Variants in FOXN3 observed in about 807,000 individuals in gnomAD.
FOXN3 encodes the protein forkhead box N3.
FOXN3 carries 7 observed loss-of-function variants against 38.4 expected under a neutral mutation model. The observed-to-expected ratio is 0.18, with a 90% CI of 0.10 to 0.34. The LOEUF (loss-of-function observed/expected upper bound fraction) is 0.34, where lower values mean the gene tolerates loss of function less well. Ranked by LOEUF, FOXN3 falls within the 10% of genes least tolerant of loss-of-function variation. The probability of loss-of-function intolerance (pLI) is 1.00; values close to 1 mark genes in which losing one functional copy is unlikely to be tolerated. For synonymous variants in FOXN3, 230 were observed against 242.2 expected (o/e 0.95, Z 0.47); for missense variants, 456 against 613.4 (o/e 0.74, Z 2.71).
intron 1 of FOXN3, among the ~76,000 whole-genome samples, chr14:89,561,178 C>T (rs1895242234): frequency 6.6e-6 from 1 of 152,190 alleles, no homozygotes; most frequent in South Asian, 2.1e-4. Flanking sequence ...GTGGCCTCGG[C>T]ACATCTTCAA....
chr14:89,282,267 A>C (rs528013300), intron 3 of FOXN3, among the ~76,000 whole-genome samples: 210 of 103,306 alleles, frequency 2.0e-3, no homozygotes, highest in Non-Finnish European at 3.4e-3. Flanking sequence ...CCTTGATGTT[A>C]ATGAACCTTT....
chr14:89,555,884 G>GTGTGTGTGTGT (rs59359746), intron 1 of FOXN3, among the ~76,000 whole-genome samples: 1 of 90,186 alleles, frequency 1.1e-5, no homozygotes, highest in African/African-American at 3.4e-5. Flanking sequence ...TGTATGTGGG[G>GTGTGTGTGTGT]GTGTATGTGG....
intron 2 of FOXN3, among the ~76,000 whole-genome samples, chr14:89,363,974 ATATATATATATATAAT>A (rs1263770543): frequency 0.011 from 787 of 69,136 alleles, 41 homozygotes; most frequent in African/African-American, 0.041. Context: ...ATATATATAT[ATATATATATATATAAT>A]ATATATATAT....
In FOXN3 at chr14:89,484,790, G is replaced by A. The variant is rs1893411145; in HGVS notation, c.-14-72300C>T. Reference sequence around the variant, plus strand: ...AGGCAGATGGTGTGTGGCCAGGGAGGACCCAACAGGCAGTGAGCGGGGTCT... The same window carrying A: ...AGGCAGATGGTGTGTGGCCAGGGAGAACCCAACAGGCAGTGAGCGGGGTCT... On this transcript the variant is annotated intron_variant, in intron 1 of 6. Transcript: ENST00000345097. The surrounding 1 kb of genome is among the most constrained non-coding windows in gnomAD (Gnocchi z 4.0). Among the ~76,000 whole-genome samples the A allele has an allele frequency of 6.6e-6, 1 of 152,160 alleles. No homozygotes were observed. The highest frequency in any genetic ancestry group is 2.1e-4 in the South Asian group (1 of 4,826).
intron 1 of FOXN3, among the ~76,000 whole-genome samples, chr14:89,610,500 T>C (rs1176519357): frequency 1.3e-5 from 2 of 152,234 alleles, no homozygotes; most frequent in Admixed American, 1.3e-4. Flanking sequence ...CACCTACTGG[T>C]GTCTTCCTGG....
At position 89,463,067 on chromosome 14, in the gene FOXN3, G is replaced by T. The variant is rs189903590; in HGVS notation, c.-14-50577C>A. 3.4e-3 allele frequency among the ~76,000 whole-genome samples: 511 copies of T among 150,748 alleles called. 2 individuals are homozygous for T. The highest frequency in any genetic ancestry group is 0.012 in the African/African-American group (491 of 41,092). On this transcript the variant is annotated intron_variant, in intron 1 of 6. Transcript: ENST00000345097. ...GCACTTTGGGAGGCCAAGGAGGGCG[G>T]ATCACGAGGTCAGGAGATTGAGAAG... is the stretch of plus-strand genomic sequence containing the variant.
At chr14:89,418,415 C>CT (rs1555352822), upstream of FOXN3, among the ~76,000 whole-genome samples, 1,335 of 113,660 alleles carry the variant, frequency 0.012, 60 homozygotes, top group African/African-American at 0.043. Context: ...AAAATAGACC[C>CT]CCCCCCCCCA....
chr14:89,272,375 G>A (rs575944046), intron 4 of FOXN3, among the ~76,000 whole-genome samples: 1 of 151,948 alleles, frequency 6.6e-6, no homozygotes, highest in South Asian at 2.1e-4. Context: ...ACTGTACACT[G>A]TAAAATCATT....
At chr14:89,608,406 C>G (rs1380818759) in intron 1 of FOXN3, among the ~76,000 whole-genome samples, 1 of 152,306 alleles carries the variant, frequency 6.6e-6, no homozygotes, top group African/African-American at 2.4e-5. Flanking sequence ...TCCCAAAGTG[C>G]TGGGATTACA....
intron 4 of FOXN3, among the ~76,000 whole-genome samples, chr14:89,220,399 G>C (rs1275487944): frequency 6.6e-6 from 1 of 152,190 alleles, no homozygotes; most frequent in Admixed American, 6.5e-5. Context: ...GTACAGAGTA[G>C]CTGGCACACA....
chr14:89,342,561 T>C (rs1343242888), intron 3 of FOXN3, among the ~76,000 whole-genome samples: 1 of 152,246 alleles, frequency 6.6e-6, no homozygotes, highest in Non-Finnish European at 1.5e-5. Flanking sequence ...CACTGTGTTT[T>C]TTAAAGAGTG....
At chr14:89,433,656 T>A (rs1215460590) in intron 1 of FOXN3, among the ~76,000 whole-genome samples, 2 of 151,464 alleles carry the variant, frequency 1.3e-5, no homozygotes, top group African/African-American at 4.8e-5. Context: ...TACAAAAAAT[T>A]AGCCAGGCGT....
intron 1 of FOXN3, among the ~76,000 whole-genome samples, chr14:89,489,622 T>A (rs1347961252): frequency 1.3e-5 from 2 of 152,206 alleles, no homozygotes; most frequent in Admixed American, 1.3e-4. Flanking sequence ...CACCGACATA[T>A]ACGATGGCAA....
At chr14:89,231,234 G>A (rs1378523983) in intron 4 of FOXN3, among the ~76,000 whole-genome samples, 1 of 151,626 alleles carries the variant, frequency 6.6e-6, no homozygotes, top group Non-Finnish European at 1.5e-5. Context: ...GTATCTGTTC[G>A]CCAAGGAAAA....
intron 4 of FOXN3, among the ~76,000 whole-genome samples, chr14:89,206,401 T>C (rs940943663): frequency 6.6e-6 from 1 of 152,004 alleles, no homozygotes; most frequent in African/African-American, 2.4e-5. Flanking sequence ...CTTCAGTTTG[T>C]ATCTGGGGCA....
At chr14:89,613,365 A>C (rs1273875959) in intron 1 of FOXN3, among the ~76,000 whole-genome samples, 2 of 152,130 alleles carry the variant, frequency 1.3e-5, no homozygotes, top group Admixed American at 1.3e-4. Flanking sequence ...TGGGAGCTTA[A>C]TGCTCACTCC....
At chr14:89,544,515 G>C (rs1894849037) in intron 1 of FOXN3, among the ~76,000 whole-genome samples, 1 of 152,236 alleles carries the variant, frequency 6.6e-6, no homozygotes, top group East Asian at 1.9e-4. Flanking sequence ...CCCTTACTAA[G>C]GGTTCTGAGA....
Position 89,360,350 on chromosome 14 carries a change from A to AAGGG in FOXN3, c.544-9546_544-9543dup, listed in dbSNP as rs55922140. 4.4e-5 allele frequency among the ~76,000 whole-genome samples: 6 copies of AAGGG among 135,326 alleles called. No individual in the cohort carries two copies. The East Asian group carries it at 7.3e-4, about 16-fold the overall frequency. The allele number at this position is 135,326 out of a possible 152,430, so 88.8% of individuals were successfully genotyped here. On this transcript the variant is annotated intron_variant, in intron 2 of 5. Coordinates refer to ENST00000557258, the MANE Select transcript of FOXN3 (RefSeq NM_005197.4). Reference sequence around the variant, plus strand: ...AAGGAAAGAAAGAGGGAGAAAGAGAAAGGGAGGGAGGGAGGGAGGGAGAAA... The same window carrying AAGGG: ...AAGGAAAGAAAGAGGGAGAAAGAGAAAGGGAGGGAGGGAGGGAGGGAGGGAGAAA...
chr14:89,402,636 A>C (rs1891280454), intron 2 of FOXN3, among the ~76,000 whole-genome samples: 1 of 152,184 alleles, frequency 6.6e-6, no homozygotes, highest in Non-Finnish European at 1.5e-5. Context: ...TAAAACCAGA[A>C]GTCAGCAAGA....
Sources: allele counts gnomAD v4.1 joint callset (sites outside exome capture counted in the v4.1 genomes callset), GRCh38; gene constraint gnomAD v4.1.1; non-coding constraint Gnocchi (gnomAD v3.1); transcripts MANE v1.5; gene names NCBI Gene and HGNC (gene_info 2026-07-23, HGNC 2026-07-21).